The following NKAIN2 variants were observed in gnomAD, a reference collection of about 807,000 sequenced individuals.
NKAIN2 encodes the protein sodium/potassium transporting ATPase interacting 2.
A neutral mutation model predicts 32.6 loss-of-function variants in NKAIN2; 14 were observed. The ratio of observed to expected loss-of-function variants is 0.43; its 90% CI spans 0.28 to 0.67. The LOEUF is 0.67. Among genes scored for constraint, NKAIN2 ranks in the 30% least tolerant of loss-of-function variants. The pLI, the probability that NKAIN2 is intolerant of heterozygous loss-of-function variation, is 0.17. For missense variants in NKAIN2, 198 were observed against 258.3 expected (o/e 0.77, Z 1.60); for synonymous variants, 80 against 87.2 (o/e 0.92, Z 0.46).
At chr6:124,374,364 C>T (rs1799893889) in intron 3 of NKAIN2, among the ~76,000 whole-genome samples, 1 of 151,950 alleles carries the variant, frequency 6.6e-6, no homozygotes, top group Non-Finnish European at 1.5e-5. Context: ...ATCTATTTGA[C>T]ATTAATTTTC....
At chr6:124,591,411 A>G (rs2114961748) in intron 3 of NKAIN2, among the ~76,000 whole-genome samples, 1 of 152,206 alleles carries the variant, frequency 6.6e-6, no homozygotes, top group Middle Eastern at 3.4e-3. Flanking sequence ...GAAAATATGG[A>G]TTGAGAAACT....
chr6:124,589,502 T>C (rs1157615623), intron 3 of NKAIN2, among the ~76,000 whole-genome samples: 3 of 152,084 alleles, frequency 2.0e-5, no homozygotes, highest in African/African-American at 7.2e-5. Context: ...CTTCTTCCTA[T>C]TAGGGAACAC....
chr6:124,766,717 T>C (rs1271366861), intron 4 of NKAIN2, among the ~76,000 whole-genome samples: 5 of 152,152 alleles, frequency 3.3e-5, no homozygotes, highest in African/African-American at 9.6e-5. Context: ...GCTAGGCTCT[T>C]GAGTATATGC....
chr6:124,473,592 T>A (rs556409524), intron 3 of NKAIN2, among the ~76,000 whole-genome samples: 1 of 152,312 alleles, frequency 6.6e-6, no homozygotes, highest in South Asian at 2.1e-4. Context: ...CTTACATAGC[T>A]GTTTTACAAA....
At chr6:123,927,980 G>C (rs1217013760) in intron 1 of NKAIN2, among the ~76,000 whole-genome samples, 1 of 152,056 alleles carries the variant, frequency 6.6e-6, no homozygotes, top group Non-Finnish European at 1.5e-5. Flanking sequence ...GTTCAAGCTT[G>C]GTTGGTTTCA....
chr6:124,272,468 G>A (rs1794837162), intron 1 of NKAIN2, among the ~76,000 whole-genome samples: 1 of 152,190 alleles, frequency 6.6e-6, no homozygotes, highest in South Asian at 2.1e-4. Flanking sequence ...GTTGAGCTTT[G>A]AGAAACTGTG....
At chr6:123,940,551 A>G (rs1776768020) in intron 1 of NKAIN2, among the ~76,000 whole-genome samples, 1 of 152,062 alleles carries the variant, frequency 6.6e-6, no homozygotes, top group Non-Finnish European at 1.5e-5. Context: ...CTCCCAGGCT[A>G]CAAGCCTGTA....
intron 1 of NKAIN2, among the ~76,000 whole-genome samples, chr6:124,133,783 C>T (rs1421009292): frequency 6.6e-6 from 1 of 151,766 alleles, no homozygotes; most frequent in African/African-American, 2.4e-5. Flanking sequence ...GAGTCTTCAC[C>T]CCTAGAGCAC....
intron 1 of NKAIN2, among the ~76,000 whole-genome samples, chr6:124,060,873 C>T (rs1782891707): frequency 6.6e-6 from 1 of 151,886 alleles, no homozygotes; most frequent in Admixed American, 6.6e-5. Flanking sequence ...AAATATTCAG[C>T]CACTAAAAAT....
chr6:124,305,087 G>C (rs1458071813), intron 2 of NKAIN2, among the ~76,000 whole-genome samples: 2 of 152,132 alleles, frequency 1.3e-5, no homozygotes, highest in Admixed American at 1.3e-4. Flanking sequence ...ATGAAAAATG[G>C]GTAGTGGTAG....
chr6:124,791,189 C>A, intron 4 of NKAIN2, 150 bp from the exon 5 acceptor site: 1 of 504,846 alleles, frequency 2.0e-6, no homozygotes, highest in Non-Finnish European at 3.7e-6. Context: ...ATGAGGAATC[C>A]ACACTGAAGT....
In NKAIN2 at chr6:124,797,504, A is replaced by G. The variant is rs140160074; in HGVS notation, c.535+6105A>G. 3.7e-3 allele frequency among the ~76,000 whole-genome samples: 562 copies of G among 152,334 alleles called. 2 individuals are homozygous for G. The highest frequency in any genetic ancestry group is 0.013 in the African/African-American group (543 of 41,590). On this transcript the variant is annotated intron_variant, in intron 5 of 6. Transcript: ENST00000368417. ...GTTAGACACATGCACATTTACACCA[A>G]CCAAGCACAAATGCATCAAAACCTG...
chr6:124,546,598 G>A (rs1247979753), intron 3 of NKAIN2, among the ~76,000 whole-genome samples: 3 of 151,678 alleles, frequency 2.0e-5, no homozygotes, highest in African/African-American at 7.3e-5. Context: ...CTACCTCATC[G>A]AATATATACT....
intron 3 of NKAIN2, among the ~76,000 whole-genome samples, chr6:124,640,631 C>A (rs1783950572): frequency 6.6e-6 from 1 of 152,098 alleles, no homozygotes; most frequent in Non-Finnish European, 1.5e-5. Context: ...TTATCGTAAC[C>A]AGCTGAGAAA....
At chr6:124,576,018 A>T (rs951648848) in intron 3 of NKAIN2, among the ~76,000 whole-genome samples, 2 of 152,228 alleles carry the variant, frequency 1.3e-5, no homozygotes, top group Admixed American at 6.5e-5. Context: ...TGAGGTAGAA[A>T]TTGTGTTCTT....
intron 3 of NKAIN2, among the ~76,000 whole-genome samples, chr6:124,547,128 GAATT>G (rs1285092727): frequency 6.6e-6 from 1 of 151,822 alleles, no homozygotes; most frequent in African/African-American, 2.4e-5. Flanking sequence ...GTTCCTTTTG[GAATT>G]AATTATGTAA....
chr6:124,321,946 A>G (rs1370642529), intron 2 of NKAIN2, among the ~76,000 whole-genome samples: 2 of 152,154 alleles, frequency 1.3e-5, no homozygotes, highest in East Asian at 3.9e-4. Flanking sequence ...CCATAAGTAC[A>G]TTTTCCTTCT....
intron 1 of NKAIN2, among the ~76,000 whole-genome samples, chr6:123,965,208 AAG>A (rs1778017793): frequency 6.6e-6 from 1 of 152,152 alleles, no homozygotes; most frequent in African/African-American, 2.4e-5. Flanking sequence ...CGGAACCTAG[AAG>A]AGTCCACAGA....
chr6:124,583,954 A>C (rs1295271020), intron 3 of NKAIN2, among the ~76,000 whole-genome samples: 1 of 152,234 alleles, frequency 6.6e-6, no homozygotes, highest in Non-Finnish European at 1.5e-5. Flanking sequence ...AGAAGAATGA[A>C]ACTAGACCCC....
Sources: allele counts gnomAD v4.1 joint callset (sites outside exome capture counted in the v4.1 genomes callset), GRCh38; gene constraint gnomAD v4.1.1; transcripts MANE v1.5; gene names NCBI Gene and HGNC (gene_info 2026-07-23, HGNC 2026-07-21).